STXBP6: variants seen among roughly 807,000 people sequenced by gnomAD.
The protein encoded by STXBP6 is syntaxin-binding protein 6.
A neutral mutation model predicts 26.9 loss-of-function variants in STXBP6; 21 were observed. That is an observed-to-expected ratio of 0.78 (90% confidence interval 0.55 to 1.12). STXBP6 has a LOEUF of 1.12. STXBP6 is among the 50% of genes most tolerant of loss of function. The probability of loss-of-function intolerance (pLI) is 0.00; values close to 1 mark genes in which losing one functional copy is unlikely to be tolerated. For missense variants in STXBP6, 232 were observed against 257.9 expected, an observed-to-expected ratio of 0.90 and a Z score of 0.69; for synonymous variants, 97 against 92.6, an observed-to-expected ratio of 1.05 and a Z score of -0.27.
At chr14:24,952,872 C>T (rs1193531253) in intron 2 of STXBP6, among the ~76,000 whole-genome samples, 1 of 152,152 alleles carries the variant, frequency 6.6e-6, no homozygotes, top group African/African-American at 2.4e-5. Context: ...TACCAGGAAG[C>T]TTTTGAGAGT....
chr14:25,022,729 C>T (rs1314724540), intron 1 of STXBP6, among the ~76,000 whole-genome samples: 4 of 152,192 alleles, frequency 2.6e-5, no homozygotes, highest in African/African-American at 7.2e-5. Context: ...CCTTTCTCTA[C>T]TTGTTTCCTA....
At chr14:25,015,472 C>A (rs1319399234) in intron 1 of STXBP6, among the ~76,000 whole-genome samples, 1 of 151,674 alleles carries the variant, frequency 6.6e-6, no homozygotes, top group African/African-American at 2.4e-5. Context: ...CCACACCTGG[C>A]AAGACAATAT....
chr14:24,993,441 C>A lies in STXBP6; in HGVS notation c.-32-18591G>T, dbSNP rs541374585. On this transcript the variant is annotated intron_variant, in intron 1 of 5. Coordinates refer to ENST00000323944, the MANE Select transcript of STXBP6 (RefSeq NM_001394410.1). ...CCTCCACATCTACCCGCTTCTCTTT[C>A]TTGCCATTGCTCTAAATCAAGATGC... Among the ~76,000 whole-genome samples, 18 of 152,292 alleles carry A rather than the reference C, an allele frequency of 1.2e-4. No homozygotes were observed. The East Asian group carries it at 2.9e-3, about 25-fold the overall frequency.
intron 1 of STXBP6, among the ~76,000 whole-genome samples, chr14:25,018,801 T>C (rs185277614): frequency 6.6e-6 from 1 of 152,298 alleles, no homozygotes; most frequent in East Asian, 1.9e-4. Context: ...GTTTATAAAA[T>C]TCTTCAATGT....
intron 2 of STXBP6, among the ~76,000 whole-genome samples, chr14:24,919,477 A>G (rs1332955630): frequency 6.6e-6 from 1 of 151,932 alleles, no homozygotes; most frequent in Non-Finnish European, 1.5e-5. Flanking sequence ...TTTACAGTTC[A>G]TTACATCCCT....
intron 2 of STXBP6, among the ~76,000 whole-genome samples, chr14:24,874,788 A>G (rs143088094): frequency 8.6e-4 from 131 of 152,278 alleles, no homozygotes; most frequent in African/African-American, 3.1e-3. Flanking sequence ...CAGGGGTCCC[A>G]GCACTACACG....
chr14:24,919,222 T>G (rs1041325779), intron 2 of STXBP6, among the ~76,000 whole-genome samples: 1 of 152,040 alleles, frequency 6.6e-6, no homozygotes, highest in Non-Finnish European at 1.5e-5. Flanking sequence ...AATTTCTGCC[T>G]AAGATGCTTA....
rs531451812 is a variant in STXBP6 at position 24,813,693 on chromosome 14, T to C, written c.610-961A>G. ...GCAGAAAGCCCTGTCATCTGCATCC[T>C]GACCAGGCTCTCTGCCTTTTAAGAA... On this transcript the variant is annotated intron_variant, in intron 5 of 5. Transcript: ENST00000323944. 3.2e-3 allele frequency among the ~76,000 whole-genome samples: 484 copies of C among 151,986 alleles called. 2 individuals carry two copies. Among genetic ancestry groups the C allele is most frequent in the African/African-American group, 0.011 (458 of 41,394 alleles).
chr14:24,902,327 A>G (rs1453937475), intron 2 of STXBP6, among the ~76,000 whole-genome samples: 1 of 152,204 alleles, frequency 6.6e-6, no homozygotes, highest in East Asian at 1.9e-4. Flanking sequence ...AATATTTGCC[A>G]TAGACATGGA....
intron 2 of STXBP6, among the ~76,000 whole-genome samples, chr14:24,858,667 C>T (rs1005970694): frequency 6.6e-6 from 1 of 152,248 alleles, no homozygotes; most frequent in African/African-American, 2.4e-5. Flanking sequence ...CTGCCCAGGA[C>T]TCTGTCTATC....
intron 2 of STXBP6, among the ~76,000 whole-genome samples, chr14:24,873,207 G>A (rs192485225): frequency 2.5e-4 from 38 of 152,158 alleles, no homozygotes; most frequent in African/African-American, 6.0e-4. Flanking sequence ...TAAGCTTGCC[G>A]TAGGATCTTG....
Position 24,856,921 on chromosome 14 carries a change from T to C in STXBP6, c.285+106A>G, listed in dbSNP as rs1261890785. 5 of 1,345,906 alleles carry C rather than the reference T, an allele frequency of 3.7e-6. No individual in the cohort carries two copies. In the East Asian group the frequency reaches 7.2e-5, roughly 19 times the overall value. The allele number at this position is 1,345,906 out of a possible 1,614,324, so 83.4% of individuals were successfully genotyped here. Reference sequence around the variant, plus strand: ...TAATCACATAATTGAAATAGAGAAATAGCCTTCTTAAGAATGATTCAAACC... The same window carrying C: ...TAATCACATAATTGAAATAGAGAAACAGCCTTCTTAAGAATGATTCAAACC... On this transcript the variant is annotated intron_variant, in intron 3 of 5. Transcript: ENST00000323944.
At chr14:24,995,011 CA>C (rs34166172) in intron 1 of STXBP6, 15,789 of 96,574 alleles carry the variant, frequency 0.16, 792 homozygotes, top group Middle Eastern at 0.24. Flanking sequence ...GACTCCATGT[CA>C]AAAAAAAAAA....
chr14:24,947,510 A>G (rs571347464), intron 2 of STXBP6, among the ~76,000 whole-genome samples: 81 of 152,356 alleles, frequency 5.3e-4, no homozygotes, highest in African/African-American at 1.9e-3. Context: ...GTCACTGCCA[A>G]CTACATCGGT....
rs532492094 is a variant in STXBP6, at chr14:25,026,123, G to A, written c.-33+23755C>T. ...ATAGCACCTTGCACATTATAATGGA[G>A]CACTGAACTTCTGTAGGAGAAAGAG... On this transcript the variant is annotated intron_variant, in intron 1 of 5. Transcript: ENST00000323944. 3.3e-5 allele frequency among the ~76,000 whole-genome samples: 5 copies of A among 152,234 alleles called. No individual in the cohort carries two copies. In the South Asian group the frequency reaches 8.3e-4, roughly 25 times the overall value.
intron 1 of STXBP6, among the ~76,000 whole-genome samples, chr14:25,031,460 C>T (rs1333324178): frequency 6.6e-6 from 1 of 152,146 alleles, no homozygotes; most frequent in Non-Finnish European, 1.5e-5. Flanking sequence ...TATCCAAAGC[C>T]TTTTCCTGCT....
chr14:24,886,990 A>G (rs779582624), intron 2 of STXBP6, among the ~76,000 whole-genome samples: 18 of 152,214 alleles, frequency 1.2e-4, no homozygotes, highest in Non-Finnish European at 2.2e-4. Flanking sequence ...TCTAAACAAT[A>G]AACATGCAAC....
intron 2 of STXBP6, among the ~76,000 whole-genome samples, chr14:24,947,104 G>A (rs768229791): frequency 2.2e-4 from 33 of 152,094 alleles, no homozygotes; most frequent in Non-Finnish European, 3.4e-4. Flanking sequence ...CCCGTATATC[G>A]GTAAAAGTCT....
At chr14:24,988,478 G>C (rs914882670) in intron 1 of STXBP6, among the ~76,000 whole-genome samples, 5 of 152,196 alleles carry the variant, frequency 3.3e-5, no homozygotes, top group Admixed American at 3.3e-4. Flanking sequence ...TCTTTCAGAG[G>C]CTGGTGATCA....
Sources: allele counts gnomAD v4.1 joint callset (sites outside exome capture counted in the v4.1 genomes callset), GRCh38; gene constraint gnomAD v4.1.1; transcripts MANE v1.5; gene names NCBI Gene and HGNC (gene_info 2026-07-23, HGNC 2026-07-21).